The following ZKSCAN3 variants were observed in gnomAD, a reference collection of about 807,000 sequenced individuals.
The protein encoded by ZKSCAN3 is zinc finger protein with KRAB and SCAN domains 3.
In ZKSCAN3, 21 loss-of-function variants were observed where a neutral mutation model predicts 30.7. The ratio of observed to expected loss-of-function variants is 0.68; its 90% confidence interval spans 0.49 to 0.99. ZKSCAN3 has a LOEUF of 0.99. ZKSCAN3 is among the 50% of genes least tolerant of loss of function. ZKSCAN3 has a pLI of 0.00. For synonymous variants in ZKSCAN3, 201 were observed against 246.7 expected, an observed-to-expected ratio of 0.81 and a Z score of 1.73; for missense variants, 507 against 647.1, an observed-to-expected ratio of 0.78 and a Z score of 2.35.
At position 28,361,323 on chromosome 6, in the gene ZKSCAN3, G is replaced by A. The variant is rs774866581; in HGVS notation, c.403-1G>A. Reference sequence around the variant, plus strand: ...TGAAAATAAGAACAAATGATTTCTAGGTTTCAGGTGTTGACCAGGGGCAAG... The same window carrying A: ...TGAAAATAAGAACAAATGATTTCTAAGTTTCAGGTGTTGACCAGGGGCAAG... On this transcript the variant is annotated splice_acceptor_variant, in intron 2 of 5. Transcript: ENST00000252211. LOFTEE classifies it high-confidence loss of function. The A allele has an allele frequency of 5.6e-6, 9 of 1,611,868 alleles. No homozygotes were observed. In the Admixed American group the frequency reaches 1.5e-4, roughly 27 times the overall value.
At chr6:28,363,185 T>C in intron 3 of ZKSCAN3, 118 bp from the exon 4 acceptor site, 1 of 873,942 alleles carries the variant, frequency 1.1e-6, no homozygotes, top group East Asian at 2.6e-5. Flanking sequence ...AGCTTCAGAC[T>C]CCTGGGCTCA....
chr6:28,363,600 G>A (rs1765848682), intron 4 of ZKSCAN3, 92 bp from the exon 5 acceptor site: 1 of 1,579,226 alleles, frequency 6.3e-7, no homozygotes, highest in South Asian at 1.1e-5. Flanking sequence ...ACTAGCTGTT[G>A]GCAGGAATGG....
intron 1 of ZKSCAN3, chr6:28,354,042 C>T (rs1581721720): frequency 2.3e-6 from 1 of 431,116 alleles, no homozygotes; most frequent in East Asian, 7.0e-5. Context: ...CCTCCGACCG[C>T]AGCCCTTCTC....
At chr6:28,360,686 G>C in intron 2 of ZKSCAN3, 1 of 985,454 alleles carries the variant, frequency 1.0e-6, no homozygotes, top group Non-Finnish European at 1.2e-6. Context: ...TAAATGGTGA[G>C]CTGGATACCA....
intron 1 of ZKSCAN3, among the ~76,000 whole-genome samples, chr6:28,357,703 G>A (rs1012629387): frequency 1.3e-5 from 2 of 152,210 alleles, no homozygotes; most frequent in African/African-American, 4.8e-5. Context: ...AAGAAGTTCA[G>A]TCTTGAAGGG....
At chr6:28,364,943 G>T (rs1022321752) in intron 5 of ZKSCAN3, among the ~76,000 whole-genome samples, 3 of 152,154 alleles carry the variant, frequency 2.0e-5, no homozygotes, top group African/African-American at 7.2e-5. Context: ...GGCCAGGCTG[G>T]TTTTGAACTC....
intron 1 of ZKSCAN3, chr6:28,354,070 C>T: frequency 2.5e-6 from 1 of 406,910 alleles, no homozygotes; most frequent in Non-Finnish European, 4.9e-6. Flanking sequence ...GGCTCTGTGG[C>T]TCCTGCCGCT....
At chr6:28,356,049 C>T (rs1396733494) in intron 1 of ZKSCAN3, 4 of 152,282 alleles carry the variant, frequency 2.6e-5, no homozygotes, top group African/African-American at 7.2e-5. Context: ...CACTGACCAG[C>T]TTTCATAACC....
chr6:28,361,859 C>A (rs1765782735), intron 3 of ZKSCAN3, among the ~76,000 whole-genome samples: 1 of 151,952 alleles, frequency 6.6e-6, no homozygotes, highest in Non-Finnish European at 1.5e-5. Context: ...TCAAGCGATC[C>A]TCTGGATCGC....
chr6:28,368,682 C>G lies in ZKSCAN3; in HGVS notation c.*2397C>G, dbSNP rs1766069507. 1 of 155,114 alleles carries G rather than the reference C, an allele frequency of 6.4e-6. No individual in the cohort carries two copies. The highest frequency in any genetic ancestry group is 2.4e-5 in the African/African-American group (1 of 41,518). The allele number at this position is 155,114 out of a possible 1,614,324, so 9.6% of individuals were successfully genotyped here. A position where few individuals can be genotyped will look rare whatever the true frequency, so the allele number is the denominator to read the frequency against. On this transcript the variant is annotated 3_prime_UTR_variant, in exon 6 of 6. Coordinates refer to ENST00000252211, the MANE Select transcript of ZKSCAN3 (RefSeq NM_024493.4). ...AAGTGCACTAACAAAATGAACAATG[C>G]AGCAAGGGCTTCAGTCGCAGCTCAG...
chr6:28,353,062 G>A (rs940591735), intron 1 of ZKSCAN3, among the ~76,000 whole-genome samples: 3 of 150,892 alleles, frequency 2.0e-5, no homozygotes, highest in East Asian at 2.0e-4. Flanking sequence ...TCCGCCTTCC[G>A]GGTTCAAGCG....
intron 1 of ZKSCAN3, among the ~76,000 whole-genome samples, chr6:28,356,980 G>A (rs213235): frequency 0.042 from 6,410 of 152,298 alleles, 291 homozygotes; most frequent in African/African-American, 0.11. Context: ...GTGGATGGGG[G>A]GCAGGGAGCT....
chr6:28,350,347 G>T (rs1764913662), intron 1 of ZKSCAN3: 1 of 152,202 alleles, frequency 6.6e-6, no homozygotes, highest in Non-Finnish European at 1.5e-5. Flanking sequence ...GACAAGCCTC[G>T]AGAATGGGAG....
intron 5 of ZKSCAN3, 21 bp from the exon 6 acceptor site, chr6:28,365,403 TTG>T: frequency 6.3e-7 from 1 of 1,586,040 alleles, no homozygotes; most frequent in Middle Eastern, 1.7e-4. Context: ...TAAGCCACAG[TTG>T]CCAGTTATTT....
intron 1 of ZKSCAN3, among the ~76,000 whole-genome samples, chr6:28,357,728 G>A (rs1255448345): frequency 6.6e-6 from 1 of 152,182 alleles, no homozygotes; most frequent in Non-Finnish European, 1.5e-5. Context: ...AAAGAAAGTG[G>A]CAGATTGAGG....
intron 3 of ZKSCAN3, 57 bp from the exon 4 acceptor site, chr6:28,363,246 A>T: frequency 6.9e-7 from 1 of 1,452,594 alleles, no homozygotes; most frequent in Non-Finnish European, 9.6e-7. Context: ...TAGATTGCAC[A>T]GGGCAGGGAG....
At chr6:28,350,542 T>C (rs1764928297) in intron 1 of ZKSCAN3, among the ~76,000 whole-genome samples, 1 of 152,206 alleles carries the variant, frequency 6.6e-6, no homozygotes, top group African/African-American at 2.4e-5. Context: ...TTTTACTATT[T>C]TGTAAAATGG....
intron 1 of ZKSCAN3, among the ~76,000 whole-genome samples, chr6:28,350,582 T>G (rs544160674): frequency 5.9e-5 from 9 of 152,300 alleles, no homozygotes; most frequent in Non-Finnish European, 1.3e-4. Context: ...ACTGGGTTGT[T>G]GTGAGGATTG....
intron 5 of ZKSCAN3, 133 bp from the exon 6 acceptor site, chr6:28,365,293 C>A: frequency 7.7e-7 from 1 of 1,301,906 alleles, no homozygotes; most frequent in Non-Finnish European, 1.1e-6. Flanking sequence ...CCTTTTATTC[C>A]CATCCTTATT....
Sources: allele counts gnomAD v4.1 joint callset (sites outside exome capture counted in the v4.1 genomes callset), GRCh38; gene constraint gnomAD v4.1.1; transcripts MANE v1.5; gene names NCBI Gene and HGNC (gene_info 2026-07-23, HGNC 2026-07-21).